Variants in GMPR observed in about 807,000 individuals in gnomAD.
GMPR encodes the protein guanosine monophosphate reductase, also known as GMP reductase 1.
A neutral mutation model predicts 38.4 loss-of-function variants in GMPR; 31 were observed. That is an observed-to-expected ratio of 0.81 (90% confidence interval 0.61 to 1.09). The LOEUF is 1.09. Ranked by LOEUF, GMPR falls within the 50% of genes least tolerant of loss-of-function variation. GMPR has a pLI of 0.00. For missense variants in GMPR, 468 were observed against 453.7 expected (o/e 1.03, Z -0.29); for synonymous variants, 162 against 173.3 (o/e 0.93, Z 0.51).
At chr6:16,263,633 G>A (rs1249192019) in intron 4 of GMPR, among the ~76,000 whole-genome samples, 1 of 151,504 alleles carries the variant, frequency 6.6e-6, no homozygotes, top group African/African-American at 2.4e-5. Flanking sequence ...AGAGGTCGGG[G>A]CACGGAAATA....
intron 4 of GMPR, among the ~76,000 whole-genome samples, chr6:16,265,773 G>C (rs1201981581): frequency 6.6e-6 from 1 of 152,202 alleles, no homozygotes; most frequent in Non-Finnish European, 1.5e-5. Context: ...GGGAATAAAA[G>C]CTGGCTGCTG....
chr6:16,238,829 T>G (rs1581642198), intron 1 of GMPR, 49 bp downstream of exon 1: 1 of 1,070,440 alleles, frequency 9.3e-7, no homozygotes, highest in Non-Finnish European at 1.3e-6. Flanking sequence ...TTTTTCCGGG[T>G]GGCGCGGGGC....
intron 3 of GMPR, among the ~76,000 whole-genome samples, chr6:16,251,178 T>C (rs527611124): frequency 1.4e-4 from 21 of 152,284 alleles, no homozygotes; most frequent in African/African-American, 5.1e-4. Flanking sequence ...CAAAATAAGG[T>C]ATATCCATAC....
intron 6 of GMPR, among the ~76,000 whole-genome samples, 192 bp from the exon 7 acceptor site, chr6:16,285,601 G>A (rs1201381973): frequency 6.6e-6 from 1 of 152,200 alleles, no homozygotes; most frequent in Admixed American, 6.5e-5. Flanking sequence ...GGCCTGGGGA[G>A]TGAAAGGTGC....
intron 4 of GMPR, among the ~76,000 whole-genome samples, chr6:16,266,648 A>G (rs1175407509): frequency 5.3e-5 from 8 of 151,604 alleles, no homozygotes; most frequent in Non-Finnish European, 1.0e-4. Flanking sequence ...TAAAAGTACA[A>G]AAAAAAGAAA....
In GMPR at chr6:16,254,675, A is replaced by C. The variant is rs750781242; in HGVS notation, c.405A>C (p.Ser135=). 10 of 1,613,748 alleles carry C rather than the reference A, an allele frequency of 6.2e-6. No individual in the cohort carries two copies. The South Asian group carries it at 1.1e-4, about 18-fold the overall frequency. ...GCCTGGATGTGGCCAATGGGTATTC[A>C]GAACATTTTGTGGAATTCGTGAAAC... The part of the protein sequence containing the change: ...FICLDVANGY[S]EHFVEFVKLV... The change falls in exon 4 of 9, where the codon TCA becomes TCC. Residue 135 remains serine (S), a synonymous_variant. Transcript: ENST00000259727.
rs755887221 is a variant in GMPR at position 16,238,662 on chromosome 6, T to TCGCCGC, written c.-25_-20dup. The stretch of plus-strand genomic sequence containing the variant: ...CCGCGCAGGCGCCCCCGCCCCGCCG[T>TCGCCGC]CGCCGCCGCCGCAGCCAGGAGCCGC... On this transcript the variant is annotated 5_prime_UTR_variant, in exon 1 of 9. Coordinates refer to ENST00000259727, the MANE Select transcript of GMPR (RefSeq NM_006877.4). 1.3e-4 allele frequency: 147 copies of TCGCCGC among 1,167,444 alleles called. No homozygotes were observed. In the South Asian group the frequency reaches 1.4e-3, roughly 11 times the overall value. The allele number at this position is 1,167,444 out of a possible 1,614,324, so 72.3% of individuals were successfully genotyped here.
chr6:16,252,366 T>C (rs751871531), intron 3 of GMPR, among the ~76,000 whole-genome samples: 3 of 152,152 alleles, frequency 2.0e-5, no homozygotes, highest in Non-Finnish European at 4.4e-5. Context: ...TTCAATTGAT[T>C]TTCCTGCCTC....
chr6:16,289,066 A>G (rs575806003), intron 7 of GMPR, among the ~76,000 whole-genome samples: 1 of 152,148 alleles, frequency 6.6e-6, no homozygotes, highest in East Asian at 1.9e-4. Context: ...TTTCTTTGGG[A>G]GGGTGATTTG....
At position 16,271,012 on chromosome 6, in the gene GMPR, C is replaced by CTGGT. The variant is rs1449514559; in HGVS notation, c.466-3403_466-3402insTGGT. ...GACCAGCCTGGGCAACATAGCAAGG[C>CTGGT]CCTATCTCTGCTTTAAAAATAATTA... On this transcript the variant is annotated intron_variant, in intron 4 of 8. Coordinates refer to ENST00000259727, the MANE Select transcript of GMPR (RefSeq NM_006877.4). 1.3e-3 allele frequency among the ~76,000 whole-genome samples: 198 copies of CTGGT among 152,106 alleles called. 1 individual carries two copies. The highest frequency in any genetic ancestry group is 2.3e-3 in the Non-Finnish European group (154 of 67,996).
At chr6:16,288,862 C>T (rs558580064) in intron 7 of GMPR, among the ~76,000 whole-genome samples, 1 of 152,062 alleles carries the variant, frequency 6.6e-6, no homozygotes, top group African/African-American at 2.4e-5. Flanking sequence ...ATGCACCAAT[C>T]CACACTCTGT....
At chr6:16,289,340 G>A (rs925684753) in intron 7 of GMPR, among the ~76,000 whole-genome samples, 2 of 152,174 alleles carry the variant, frequency 1.3e-5, no homozygotes, top group African/African-American at 2.4e-5. Flanking sequence ...TTAGTTAATA[G>A]GCAATGAAGA....
intron 8 of GMPR, among the ~76,000 whole-genome samples, chr6:16,294,357 A>G (rs1250641711): frequency 6.6e-6 from 1 of 152,218 alleles, no homozygotes; most frequent in Non-Finnish European, 1.5e-5. Flanking sequence ...CAGGCAGGCT[A>G]TCAAAACAGA....
chr6:16,260,863 G>A (rs1759070095), intron 4 of GMPR, among the ~76,000 whole-genome samples: 1 of 152,018 alleles, frequency 6.6e-6, no homozygotes, highest in Non-Finnish European at 1.5e-5. Context: ...CAGGAATAAC[G>A]TGGGAGGGTG....
chr6:16,254,438 C>T (rs1343957127), intron 3 of GMPR, 124 bp from the exon 4 acceptor site: 5 of 732,040 alleles, frequency 6.8e-6, no homozygotes, highest in Non-Finnish European at 1.2e-5. Flanking sequence ...GTGCACTGTG[C>T]ATTTGATTAG....
intron 6 of GMPR, 60 bp downstream of exon 6, chr6:16,278,950 C>T: frequency 9.9e-7 from 1 of 1,011,844 alleles, no homozygotes; most frequent in Non-Finnish European, 1.5e-6. Flanking sequence ...TCCCTCGCTG[C>T]TCTTCTTTCA....
At chr6:16,265,500 G>T (rs764747416) in intron 4 of GMPR, among the ~76,000 whole-genome samples, 2 of 152,200 alleles carry the variant, frequency 1.3e-5, no homozygotes, top group African/African-American at 2.4e-5. Flanking sequence ...GTCCAGTGGG[G>T]ACTTGGAGAA....
chr6:16,269,021 ATTTCTGTTTTCTATGTGTAAAAT>A (rs1759329031), intron 4 of GMPR, among the ~76,000 whole-genome samples: 1 of 151,888 alleles, frequency 6.6e-6, no homozygotes, highest in Non-Finnish European at 1.5e-5. Flanking sequence ...CAAAAATTTT[ATTTCTGTTTTCTATGTGTAAAAT>A]TTACACCTAG....
chr6:16,278,041 G>A (rs1016264448), intron 5 of GMPR, among the ~76,000 whole-genome samples: 1 of 152,172 alleles, frequency 6.6e-6, no homozygotes, highest in Non-Finnish European at 1.5e-5. Context: ...CCAGGACTGG[G>A]GCTGACCGTG....
Sources: gnomAD v4.1 joint callset for allele counts (sites outside exome capture counted in the v4.1 genomes callset) on GRCh38, gnomAD v4.1.1 for gene constraint, MANE v1.5 for transcripts, NCBI Gene and HGNC (gene_info 2026-07-23, HGNC 2026-07-21) for gene names.